VPS33A: variants seen among roughly 807,000 people sequenced by gnomAD.
VPS33A encodes the protein VPS33A core subunit of CORVET and HOPS complexes, also known as vacuolar protein sorting-associated protein 33A.
A neutral mutation model predicts 71.8 loss-of-function variants in VPS33A; 32 were observed. That is an observed-to-expected ratio of 0.45 (90% CI 0.34 to 0.60). The LOEUF is 0.60. VPS33A is among the 20% of genes least tolerant of loss of function. The pLI, the probability that VPS33A is intolerant of heterozygous loss-of-function variation, is 0.02. For synonymous variants in VPS33A, 311 were observed against 292.7 expected (o/e 1.06, Z -0.64); for missense variants, 625 against 748.5 (o/e 0.84, Z 1.92).
intron 8 of VPS33A, 106 bp from the exon 9 acceptor site, chr12:122,240,051 G>T: frequency 1.2e-6 from 1 of 836,194 alleles, no homozygotes; most frequent in Admixed American, 2.1e-5. Context: ...CATGTGGCTG[G>T]GCACGGTGGC....
At position 122,240,627 on chromosome 12, in the gene VPS33A, C is replaced by T. The variant is rs118054835; in HGVS notation, c.1097-682G>A. On this transcript the variant is annotated intron_variant, in intron 8 of 12. Coordinates refer to ENST00000267199, the MANE Select transcript of VPS33A (RefSeq NM_022916.6). ...ACAGGGAAACAAAGGACTGATTTTCCGATAACTGTGATTTACTTAAGATTC... is the reference window on the plus strand; with the variant it reads ...ACAGGGAAACAAAGGACTGATTTTCTGATAACTGTGATTTACTTAAGATTC... Among the ~76,000 whole-genome samples the T allele has an allele frequency of 1.6e-4, 25 of 152,260 alleles. No individual in the cohort carries two copies. In the East Asian group the frequency reaches 3.9e-3, roughly 24 times the overall value.
At chr12:122,235,970 T>G in intron 10 of VPS33A, 47 bp from the exon 11 acceptor site, 1 of 1,556,864 alleles carries the variant, frequency 6.4e-7, no homozygotes, top group Non-Finnish European at 8.7e-7. Context: ...GGAAAAGGAT[T>G]TCTGCAATTT....
chr12:122,244,382 G>A (rs1052681057), intron 7 of VPS33A, among the ~76,000 whole-genome samples, 187 bp downstream of exon 7: 4 of 152,158 alleles, frequency 2.6e-5, no homozygotes, highest in South Asian at 4.1e-4. Flanking sequence ...TACGCAACGC[G>A]GGTCTGAGAA....
At chr12:122,238,330 C>T (rs1411479819) in intron 10 of VPS33A, among the ~76,000 whole-genome samples, 1 of 152,154 alleles carries the variant, frequency 6.6e-6, no homozygotes, top group Non-Finnish European at 1.5e-5. Context: ...AAGCGATTCT[C>T]CTGCCTGATC....
At chr12:122,260,461 G>A (rs1003274590) in intron 4 of VPS33A, among the ~76,000 whole-genome samples, 6 of 151,612 alleles carry the variant, frequency 4.0e-5, no homozygotes, top group African/African-American at 1.2e-4. Flanking sequence ...CACCACACCC[G>A]GTTAATTTTG....
intron 6 of VPS33A, among the ~76,000 whole-genome samples, chr12:122,246,544 T>C (rs905048730): frequency 2.0e-5 from 3 of 150,608 alleles, no homozygotes; most frequent in Non-Finnish European, 3.0e-5. Context: ...GATGATCCGC[T>C]CACCTCAACC....
chr12:122,235,991 G>A (rs544310369), intron 10 of VPS33A, 68 bp from the exon 11 acceptor site: 8 of 1,541,178 alleles, frequency 5.2e-6, no homozygotes, highest in African/African-American at 4.1e-5. Context: ...TCAAAGAAGG[G>A]CACTTCCAAC....
chr12:122,251,112 A>G lies in VPS33A; in HGVS notation c.484-13T>C. ...CCAGGTAGCACTCCTGTGAGGGAAA[A>G]GGCCAATTATTGCCAGGCCATGGGG... On this transcript the variant is annotated splice_polypyrimidine_tract_variant and intron_variant, in intron 4 of 12. Coordinates refer to ENST00000267199, the MANE Select transcript of VPS33A (RefSeq NM_022916.6). The G allele has an allele frequency of 6.2e-7, 1 of 1,603,788 alleles. No homozygotes were observed. Among genetic ancestry groups the G allele is most frequent in the Non-Finnish European group, 8.5e-7 (1 of 1,171,392 alleles).
intron 11 of VPS33A, among the ~76,000 whole-genome samples, chr12:122,233,426 A>G (rs1475261566): frequency 1.3e-5 from 2 of 152,038 alleles, no homozygotes; most frequent in African/African-American, 2.4e-5. Flanking sequence ...GGGTTTCACC[A>G]TGTTGGCCAG....
chr12:122,265,149 G>A (rs931278412), intron 1 of VPS33A, among the ~76,000 whole-genome samples: 1 of 151,712 alleles, frequency 6.6e-6, no homozygotes, highest in Non-Finnish European at 1.5e-5. Flanking sequence ...CCAACTCTGG[G>A]CTCAAGCGAG....
chr12:122,263,992 G>T, intron 2 of VPS33A, 142 bp downstream of exon 2: 1 of 729,534 alleles, frequency 1.4e-6, no homozygotes. Flanking sequence ...GATACAAAAT[G>T]TTAATCGGGC....
chr12:122,264,712 C>G, intron 1 of VPS33A: 1 of 152,318 alleles, frequency 6.6e-6, no homozygotes, highest in East Asian at 1.9e-4. Flanking sequence ...ATTTAATTAC[C>G]TCTGACCACA....
At chr12:122,233,299 C>T (rs1954588861) in intron 11 of VPS33A, among the ~76,000 whole-genome samples, 1 of 151,624 alleles carries the variant, frequency 6.6e-6, no homozygotes, top group African/African-American at 2.4e-5. Flanking sequence ...AATTTCAGCT[C>T]ACTGCAACCT....
chr12:122,242,379 C>G lies in VPS33A; in HGVS notation c.1096+3G>C. ...TGAAACAATCATTACAAAGGATACTCACTAGTGACATCTTTGATCAATTCT... is the reference window on the plus strand; with the variant it reads ...TGAAACAATCATTACAAAGGATACTGACTAGTGACATCTTTGATCAATTCT... On this transcript the variant is annotated splice_donor_region_variant and intron_variant, in intron 8 of 12. Transcript: ENST00000267199. 6.2e-7 allele frequency: 1 copy of G among 1,612,370 alleles called. No homozygotes were observed. The highest frequency in any genetic ancestry group is 8.5e-7 in the Non-Finnish European group (1 of 1,178,550).
chr12:122,248,446 T>C (rs1482514046), intron 6 of VPS33A: 1 of 152,156 alleles, frequency 6.6e-6, no homozygotes, highest in Admixed American at 6.6e-5. Flanking sequence ...AATTCAGGAT[T>C]ATTACTTAAA....
chr12:122,262,991 C>CTT (rs35647648), intron 3 of VPS33A, among the ~76,000 whole-genome samples: 41 of 127,830 alleles, frequency 3.2e-4, no homozygotes, highest in Non-Finnish European at 4.5e-4. Flanking sequence ...CAATTACACT[C>CTT]TTTTTTTTTT....
intron 4 of VPS33A, 48 bp from the exon 5 acceptor site, chr12:122,251,147 G>A: frequency 1.5e-6 from 2 of 1,339,748 alleles, no homozygotes; most frequent in South Asian, 1.2e-5. Flanking sequence ...GGCCTCCCAG[G>A]GGCCCATCTC....
chr12:122,237,560 G>A (rs1405387039), intron 10 of VPS33A, among the ~76,000 whole-genome samples: 4 of 134,544 alleles, frequency 3.0e-5, no homozygotes, highest in South Asian at 2.3e-4. Flanking sequence ...TTTTTGAGAC[G>A]GAGTCTCGCT....
intron 10 of VPS33A, 143 bp from the exon 11 acceptor site, chr12:122,236,066 A>G (rs1432128662): frequency 9.9e-7 from 1 of 1,013,038 alleles, no homozygotes; most frequent in Non-Finnish European, 1.4e-6. Flanking sequence ...GGATGGGCAC[A>G]GAGGACAGGG....
Sources: allele counts gnomAD v4.1 joint callset (sites outside exome capture counted in the v4.1 genomes callset), GRCh38; gene constraint gnomAD v4.1.1; transcripts MANE v1.5; gene names NCBI Gene and HGNC (gene_info 2026-07-23, HGNC 2026-07-21).